Variants in TCF12 observed in about 807,000 individuals in gnomAD.
TCF12 encodes DNA-binding protein HTF4.
A neutral mutation model predicts 86.0 loss-of-function variants in TCF12; 45 were observed. The ratio of observed to expected loss-of-function variants is 0.52; its 90% CI spans 0.41 to 0.67. TCF12 has a LOEUF of 0.67. TCF12 is among the 30% of genes least tolerant of loss of function. TCF12 has a pLI of 0.00. For missense variants in TCF12, 881 were observed against 859.9 expected (o/e 1.02, Z -0.31); for synonymous variants, 330 against 299.6 (o/e 1.10, Z -1.05).
chr15:57,072,159 T>A (rs1326844337), intron 4 of TCF12, among the ~76,000 whole-genome samples: 1 of 152,104 alleles, frequency 6.6e-6, no homozygotes, highest in Non-Finnish European at 1.5e-5. Flanking sequence ...AGACTTGGAT[T>A]GGGAGGATAG....
At chr15:57,186,139 T>C (rs551116764) in intron 6 of TCF12, among the ~76,000 whole-genome samples, 1 of 152,156 alleles carries the variant, frequency 6.6e-6, no homozygotes, top group South Asian at 2.1e-4. Flanking sequence ...TAAGAAGAAA[T>C]AGAAAATCTG....
intron 19 of TCF12, chr15:57,282,088 ATTCAT>A (rs1353749709): frequency 3.3e-6 from 1 of 306,394 alleles, no homozygotes; most frequent in African/African-American, 2.3e-5. Flanking sequence ...AGATGTCAGC[ATTCAT>A]GTCAATTCAG....
chr15:56,959,878 T>G (rs142566557), intron 3 of TCF12, among the ~76,000 whole-genome samples: 4 of 152,336 alleles, frequency 2.6e-5, no homozygotes, highest in African/African-American at 9.6e-5. Context: ...CAGGCATCTG[T>G]GTCAATTGCT....
chr15:57,105,372 C>T (rs2050070475), intron 5 of TCF12, among the ~76,000 whole-genome samples: 1 of 152,076 alleles, frequency 6.6e-6, no homozygotes, highest in African/African-American at 2.4e-5. Context: ...TTGTGTGTGC[C>T]TCATTGTACC....
chr15:57,192,803 A>G (rs2057052913), intron 7 of TCF12, among the ~76,000 whole-genome samples: 1 of 152,198 alleles, frequency 6.6e-6, no homozygotes, highest in Non-Finnish European at 1.5e-5. Context: ...AATTATCAAA[A>G]TTCTTACTTT....
rs2059769978 is a variant in TCF12 at position 56,921,072 on chromosome 15, T to TG, written c.125dup (p.Ser43LysfsTer10). ...AGTGGGAAAACTAGACCAACTACACTGGGAAGCAGTCAATTCAGTGGATCA... is the reference window on the plus strand; with the variant it reads ...AGTGGGAAAACTAGACCAACTACACTGGGGAAGCAGTCAATTCAGTGGATCA... On this transcript the variant is annotated frameshift_variant, in exon 3 of 21. Coordinates refer to ENST00000333725, the MANE Select transcript of TCF12 (RefSeq NM_207037.2). LOFTEE classifies it high-confidence loss of function. 6.2e-7 allele frequency: 1 copy of TG among 1,609,412 alleles called. No individual in the cohort carries two copies. The highest frequency in any genetic ancestry group is 1.7e-5 in the Admixed American group (1 of 59,526).
intron 13 of TCF12, among the ~76,000 whole-genome samples, chr15:57,244,897 A>G (rs1241450705): frequency 1.3e-5 from 2 of 152,178 alleles, no homozygotes; most frequent in Admixed American, 6.5e-5. Flanking sequence ...AGGAATAAAT[A>G]TAAGTATATA....
Position 56,950,745 on chromosome 15 carries a change from G to GCTTTTTTTTTTTTT in TCF12, c.148+29647_148+29648insCTTTTTTTTTTTTT, listed in dbSNP as rs1555455322. 4.7e-5 allele frequency among the ~76,000 whole-genome samples: 4 copies of GCTTTTTTTTTTTTT among 85,922 alleles called. 2 individuals carry two copies. 56.4% of individuals were successfully genotyped at this position (85,922 alleles called of 152,430 possible). A position where few individuals can be genotyped will look rare whatever the true frequency, so the allele number is the denominator to read the frequency against. On this transcript the variant is annotated intron_variant, in intron 3 of 20. Transcript: ENST00000333725. ...TTACAAATAAAGCTATTATGACCAT[G>GCTTTTTTTTTTTTT]TTTTTTTTTTTTTTTTTTTTTTTTT...
At chr15:57,019,441 A>G (rs1268262824) in intron 3 of TCF12, among the ~76,000 whole-genome samples, 1 of 152,184 alleles carries the variant, frequency 6.6e-6, no homozygotes, top group African/African-American at 2.4e-5. Flanking sequence ...ACAGAAGGAC[A>G]AGAGTTTATT....
chr15:57,088,249 T>C (rs1297273667), intron 4 of TCF12, among the ~76,000 whole-genome samples: 1 of 152,178 alleles, frequency 6.6e-6, no homozygotes, highest in East Asian at 1.9e-4. Flanking sequence ...ATTATTTTGC[T>C]TTGTTCTCTG....
intron 3 of TCF12, among the ~76,000 whole-genome samples, chr15:57,063,162 A>G (rs4494480): frequency 0.048 from 7,267 of 152,272 alleles, 346 homozygotes; most frequent in African/African-American, 0.13. Context: ...GTATAATTTT[A>G]GAAGAGATGG....
chr15:56,932,047 C>T (rs2060269487), intron 3 of TCF12, among the ~76,000 whole-genome samples: 1 of 152,200 alleles, frequency 6.6e-6, no homozygotes, highest in African/African-American at 2.4e-5. Flanking sequence ...TCCCTCTTCT[C>T]AAGCTTAGGA....
chr15:57,244,060 G>A (rs2059746841), intron 13 of TCF12, among the ~76,000 whole-genome samples: 1 of 151,916 alleles, frequency 6.6e-6, no homozygotes, highest in African/African-American at 2.4e-5. Flanking sequence ...TTTACTTTTT[G>A]TAGAGACTGG....
intron 12 of TCF12, among the ~76,000 whole-genome samples, chr15:57,237,148 A>AGTGTGT (rs59704193): frequency 7.5e-5 from 11 of 146,060 alleles, no homozygotes; most frequent in South Asian, 4.4e-4. Context: ...AGAGAGAGAG[A>AGTGTGT]GTGTGTGTGT....
chr15:56,946,925 G>A (rs1033834983), intron 3 of TCF12, among the ~76,000 whole-genome samples: 1 of 149,970 alleles, frequency 6.7e-6, no homozygotes, highest in South Asian at 2.1e-4. Context: ...AGCCTCCCAA[G>A]TTGCTAGGAT....
At chr15:57,216,704 T>G (rs1347502098) in intron 8 of TCF12, among the ~76,000 whole-genome samples, 1 of 152,122 alleles carries the variant, frequency 6.6e-6, no homozygotes, top group East Asian at 1.9e-4. Context: ...TAGATTAAAT[T>G]AATTTTTAAA....
chr15:57,273,921 T>G (rs2061261591), intron 19 of TCF12, among the ~76,000 whole-genome samples: 1 of 152,244 alleles, frequency 6.6e-6, no homozygotes, highest in Non-Finnish European at 1.5e-5. Context: ...GAAACTTCAT[T>G]TGTTCAACAT....
At chr15:57,011,386 G>A (rs2064822095) in intron 3 of TCF12, among the ~76,000 whole-genome samples, 1 of 151,658 alleles carries the variant, frequency 6.6e-6, no homozygotes, top group Non-Finnish European at 1.5e-5. Context: ...CCTGCCCCCC[G>A]CTTTTCCTTC....
chr15:57,203,547 C>CT (rs2057660481), intron 8 of TCF12, among the ~76,000 whole-genome samples: 1 of 151,986 alleles, frequency 6.6e-6, no homozygotes, highest in Non-Finnish European at 1.5e-5. Context: ...TTGAAAATAC[C>CT]TTTTTCATAT....
Sources: gnomAD v4.1 joint callset for allele counts (sites outside exome capture counted in the v4.1 genomes callset) on GRCh38, gnomAD v4.1.1 for gene constraint, MANE v1.5 for transcripts, NCBI Gene and HGNC (gene_info 2026-07-23, HGNC 2026-07-21) for gene names.